SLC39A11: variants seen among roughly 807,000 people sequenced by gnomAD.
SLC39A11 encodes the protein solute carrier family 39 member 11.
Under a neutral mutation model 36.1 loss-of-function variants are expected in SLC39A11, and 33 were observed. That is an observed-to-expected ratio of 0.91 (90% CI 0.69 to 1.22). SLC39A11 has a LOEUF of 1.22. Among genes scored for constraint, SLC39A11 ranks in the 50% most tolerant of loss-of-function variants. The pLI is 0.00. For missense variants in SLC39A11, 432 were observed against 430.3 expected (o/e 1.00, Z -0.03); for synonymous variants, 166 against 170.3 (o/e 0.97, Z 0.20).
At chr17:73,017,940 G>A (rs2058221842) in intron 4 of SLC39A11, among the ~76,000 whole-genome samples, 1 of 152,182 alleles carries the variant, frequency 6.6e-6, no homozygotes, top group African/African-American at 2.4e-5. Flanking sequence ...ACTGTGAGAT[G>A]AACGGAGATT....
At chr17:73,032,351 T>C (rs868550899) in intron 3 of SLC39A11, among the ~76,000 whole-genome samples, 8 of 151,950 alleles carry the variant, frequency 5.3e-5, no homozygotes, top group Non-Finnish European at 1.0e-4. Flanking sequence ...GGATTATGGG[T>C]GTGTGCCACC....
At chr17:72,967,370 CAGAGAGAG>C (rs72044418) in intron 4 of SLC39A11, among the ~76,000 whole-genome samples, 5 of 110,034 alleles carry the variant, frequency 4.5e-5, no homozygotes, top group African/African-American at 1.5e-4. Context: ...TAAGCATGCT[CAGAGAGAG>C]AGAGAGAGAG....
intron 4 of SLC39A11, among the ~76,000 whole-genome samples, chr17:72,987,401 A>G (rs1383271563): frequency 6.6e-6 from 1 of 152,210 alleles, no homozygotes. Context: ...CACCAAATGT[A>G]CTTGTGTAAA....
intron 6 of SLC39A11, among the ~76,000 whole-genome samples, chr17:72,769,451 T>G (rs918564137): frequency 1.1e-4 from 17 of 152,150 alleles, no homozygotes; most frequent in Non-Finnish European, 2.2e-4. Flanking sequence ...CCCAAATCGT[T>G]AAGGAAAACT....
chr17:72,699,709 C>T (rs2072514850), intron 7 of SLC39A11, among the ~76,000 whole-genome samples: 1 of 152,230 alleles, frequency 6.6e-6, no homozygotes, highest in South Asian at 2.1e-4. Flanking sequence ...CAGAGCAACC[C>T]TGAGACAGAG....
chr17:72,794,765 A>C (rs1485997428), intron 6 of SLC39A11, among the ~76,000 whole-genome samples: 2 of 152,026 alleles, frequency 1.3e-5, no homozygotes, highest in African/African-American at 4.8e-5. Flanking sequence ...TCCTCCAGCA[A>C]GTGCCTCCTC....
intron 7 of SLC39A11, among the ~76,000 whole-genome samples, chr17:72,708,694 A>C (rs1042670505): frequency 1.2e-4 from 18 of 152,224 alleles, no homozygotes; most frequent in African/African-American, 4.1e-4. Flanking sequence ...GAGTTCACTC[A>C]GCAGTTCCAT....
At chr17:72,855,159 C>T (rs1295459410) in intron 5 of SLC39A11, among the ~76,000 whole-genome samples, 1 of 152,186 alleles carries the variant, frequency 6.6e-6, no homozygotes, top group East Asian at 1.9e-4. Flanking sequence ...ATACACAGAC[C>T]ATTTTGAAAT....
intron 5 of SLC39A11, among the ~76,000 whole-genome samples, chr17:72,937,978 G>C (rs142274602): frequency 2.9e-4 from 44 of 152,344 alleles, no homozygotes; most frequent in Non-Finnish European, 5.0e-4. Flanking sequence ...CAGACAGAGA[G>C]AGTGAATTCT....
intron 7 of SLC39A11, among the ~76,000 whole-genome samples, chr17:72,660,304 C>T (rs894507985): frequency 9.9e-5 from 15 of 152,184 alleles, no homozygotes; most frequent in Admixed American, 3.3e-4. Context: ...ATAAAAATGA[C>T]GATAACCACT....
intron 4 of SLC39A11, among the ~76,000 whole-genome samples, chr17:73,015,989 G>A (rs1231108104): frequency 6.6e-6 from 1 of 152,114 alleles, no homozygotes; most frequent in African/African-American, 2.4e-5. Context: ...GGAGAATATA[G>A]CCATCTTGGA....
At chr17:72,958,529 G>T (rs1030377756) in intron 4 of SLC39A11, among the ~76,000 whole-genome samples, 1 of 152,140 alleles carries the variant, frequency 6.6e-6, no homozygotes, top group African/African-American at 2.4e-5. Context: ...CCATCCAAAA[G>T]TGAGCTAAGG....
intron 5 of SLC39A11, among the ~76,000 whole-genome samples, chr17:72,852,204 C>CAAAAAAAAAAAAAAAAAAAAAAAAAAAA (rs1167034424): frequency 5.0e-5 from 2 of 39,908 alleles, no homozygotes; most frequent in Admixed American, 4.4e-4. Flanking sequence ...GACTCCGTCT[C>CAAAAAAAAAAAAAAAAAAAAAAAAAAAA]AAAAAAAAAA....
At chr17:73,086,303 T>A (rs2060726473) in intron 2 of SLC39A11, among the ~76,000 whole-genome samples, 1 of 152,176 alleles carries the variant, frequency 6.6e-6, no homozygotes, top group African/African-American at 2.4e-5. Context: ...TAATAAAATG[T>A]GCATTTTTCC....
chr17:72,694,247 G>A (rs570828013), intron 7 of SLC39A11, among the ~76,000 whole-genome samples: 2 of 152,308 alleles, frequency 1.3e-5, no homozygotes, highest in South Asian at 4.1e-4. Context: ...AAAATCCACT[G>A]TGAGGTTGCC....
chr17:72,898,349 C>T (rs1269446063), intron 5 of SLC39A11, among the ~76,000 whole-genome samples: 1 of 152,190 alleles, frequency 6.6e-6, no homozygotes, highest in South Asian at 2.1e-4. Context: ...GGCCTCCCGG[C>T]GCATCCACTC....
intron 5 of SLC39A11, among the ~76,000 whole-genome samples, chr17:72,942,277 T>C (rs2085159419): frequency 6.6e-6 from 1 of 151,972 alleles, no homozygotes; most frequent in Non-Finnish European, 1.5e-5. Flanking sequence ...AGATAACTCC[T>C]CTCAATTGGG....
chr17:72,715,232 C>T (rs959214331), intron 7 of SLC39A11, among the ~76,000 whole-genome samples: 13 of 152,308 alleles, frequency 8.5e-5, no homozygotes, highest in African/African-American at 3.1e-4. Context: ...TAAGATGCAC[C>T]ATGACTAAGT....
intron 7 of SLC39A11, among the ~76,000 whole-genome samples, chr17:72,650,631 G>C (rs577913030): frequency 3.3e-5 from 5 of 152,330 alleles, no homozygotes; most frequent in African/African-American, 1.2e-4. Flanking sequence ...GATCTAAAGG[G>C]CGTGAGAAGA....
Sources: gnomAD v4.1 joint callset for allele counts (sites outside exome capture counted in the v4.1 genomes callset) on GRCh38, gnomAD v4.1.1 for gene constraint, MANE v1.5 for transcripts, NCBI Gene and HGNC (gene_info 2026-07-23, HGNC 2026-07-21) for gene names.